Variants in ARMC7 observed in about 807,000 individuals in gnomAD.
The protein encoded by ARMC7 is armadillo repeat-containing protein 7.
ARMC7 carries 9 observed loss-of-function variants against 14.8 expected under a neutral mutation model. The ratio of observed to expected loss-of-function variants is 0.61; its 90% CI spans 0.37 to 1.06. The LOEUF (loss-of-function observed/expected upper bound fraction) is 1.06. Ranked by LOEUF, ARMC7 falls within the 50% of genes least tolerant of loss-of-function variation. The pLI is 0.01. For synonymous variants in ARMC7, 125 were observed against 123.4 expected, an observed-to-expected ratio of 1.01 and a Z score of -0.09; for missense variants, 262 against 267.1, an observed-to-expected ratio of 0.98 and a Z score of 0.13.
At chr17:75,112,185 C>A (rs2073928928) in intron 2 of ARMC7, among the ~76,000 whole-genome samples, 2 of 152,108 alleles carry the variant, frequency 1.3e-5, no homozygotes, top group African/African-American at 4.8e-5. Context: ...TGGAGAATGG[C>A]ACAAAAAGAG....
chr17:75,114,495 G>A (rs1463209545), intron 2 of ARMC7: 3 of 392,480 alleles, frequency 7.6e-6, no homozygotes, highest in Non-Finnish European at 1.3e-5. Flanking sequence ...TGGAGTCCGC[G>A]GTCCCAGCGT....
rs72844542 is a variant in ARMC7 at position 75,118,835 on chromosome 17, G to A, written c.235+8229G>A. ...TGAATCGGTCATGAACGGCAAGGCCGATGGTTCTAACCCCTTTGTACATAT... is the reference window on the plus strand; with the variant it reads ...TGAATCGGTCATGAACGGCAAGGCCAATGGTTCTAACCCCTTTGTACATAT... On this transcript the variant is annotated intron_variant, in intron 2 of 2. Transcript: ENST00000245543. Among the ~76,000 whole-genome samples the A allele has an allele frequency of 5.2e-3, 788 of 152,308 alleles. 4 individuals carry two copies. Among genetic ancestry groups the A allele is most frequent in the Non-Finnish European group, 8.8e-3 (598 of 68,016 alleles).
intron 2 of ARMC7, among the ~76,000 whole-genome samples, chr17:75,123,428 A>G (rs1185286056): frequency 6.8e-6 from 1 of 147,368 alleles, no homozygotes; most frequent in African/African-American, 2.5e-5. Context: ...ATCTCTGCTC[A>G]CTGCAAGCTC....
Position 75,128,882 on chromosome 17 carries a change from C to G in ARMC7, c.441C>G (p.Arg147=). ...CGCCCGTGGTGCAGTGCATGCTTCG[C>G]TTCTCCCTCTCGGCCAGCGCCAGGC... ...TATPVVQCML[R]FSLSASARLR... The change falls in exon 3 of 3, where the codon CGC becomes CGG. Residue 147 remains arginine (R), a synonymous_variant. Transcript: ENST00000245543. 6.2e-7 allele frequency: 1 copy of G among 1,611,922 alleles called. No homozygotes were observed. The highest frequency in any genetic ancestry group is 2.2e-5 in the East Asian group (1 of 44,878).
chr17:75,115,511 C>T (rs949556663), intron 2 of ARMC7, among the ~76,000 whole-genome samples: 2 of 151,884 alleles, frequency 1.3e-5, no homozygotes, highest in South Asian at 2.1e-4. Flanking sequence ...GCACTCCAGC[C>T]TGGGTGACAG....
In ARMC7 at chr17:75,120,128, C is replaced by G. The variant is rs7207274; in HGVS notation, c.236-8549C>G. ...CCATGTTGGCCAGGGTGGTCTTGAA[C>G]TCCTGACCTCAGGTGATCCACCCTC... is the stretch of plus-strand genomic sequence containing the variant. On this transcript the variant is annotated intron_variant, in intron 2 of 2. Transcript: ENST00000245543. 9.9e-3 allele frequency among the ~76,000 whole-genome samples: 1,508 copies of G among 152,192 alleles called. 36 individuals are homozygous for G. The highest frequency in any genetic ancestry group is 0.034 in the African/African-American group (1,416 of 41,526).
chr17:75,124,475 C>G (rs568498345), intron 2 of ARMC7, among the ~76,000 whole-genome samples: 2 of 152,330 alleles, frequency 1.3e-5, no homozygotes, highest in South Asian at 2.1e-4. Context: ...GTGACTCAGG[C>G]TTCATCTTAT....
chr17:75,127,986 G>A (rs2074064206), intron 2 of ARMC7, among the ~76,000 whole-genome samples: 1 of 152,186 alleles, frequency 6.6e-6, no homozygotes, highest in Non-Finnish European at 1.5e-5. Flanking sequence ...TTTGGCATAA[G>A]TATATACCCA....
intron 2 of ARMC7, among the ~76,000 whole-genome samples, chr17:75,122,965 T>G (rs944819863): frequency 5.3e-5 from 8 of 152,022 alleles, no homozygotes; most frequent in African/African-American, 1.9e-4. Context: ...ATGTACAATC[T>G]GGTGTCCTTC....
chr17:75,124,711 C>T (rs926208610), intron 2 of ARMC7, among the ~76,000 whole-genome samples: 1 of 152,312 alleles, frequency 6.6e-6, no homozygotes, highest in African/African-American at 2.4e-5. Flanking sequence ...ATGGGAGGGC[C>T]GCCATTTCCC....
intron 2 of ARMC7, among the ~76,000 whole-genome samples, chr17:75,117,586 G>A (rs2073982352): frequency 6.6e-6 from 1 of 152,210 alleles, no homozygotes; most frequent in Admixed American, 6.5e-5. Context: ...CAGATCATAG[G>A]TGGCTTCAAA....
chr17:75,110,098 C>CCG lies in ARMC7; in HGVS notation c.-190_-189dup, dbSNP rs1412057749. The CCG allele has an allele frequency of 6.7e-6, 4 of 593,920 alleles. No individual in the cohort carries two copies. The highest frequency in any genetic ancestry group is 1.2e-5 in the Non-Finnish European group (4 of 340,738). 36.8% of individuals were successfully genotyped at this position (593,920 alleles called of 1,614,324 possible). On this transcript the variant is annotated 5_prime_UTR_variant, in exon 1 of 3. Coordinates refer to ENST00000245543, the MANE Select transcript of ARMC7 (RefSeq NM_024585.4). Reference sequence around the variant, plus strand: ...GCAACTCCTACAGGATTCTGAGACCCCGTCCCATCTCCCATATCCCATTTC... The same window carrying CCG: ...GCAACTCCTACAGGATTCTGAGACCCCGCGTCCCATCTCCCATATCCCATTTC...
intron 2 of ARMC7, chr17:75,114,921 T>A (rs560974925): frequency 2.6e-6 from 1 of 385,770 alleles, no homozygotes; most frequent in East Asian, 3.6e-5. Flanking sequence ...GTGTCTCTGC[T>A]TGGGGATCCC....
chr17:75,120,550 C>G lies in ARMC7; in HGVS notation c.236-8127C>G, dbSNP rs552776732. On this transcript the variant is annotated intron_variant, in intron 2 of 2. Coordinates refer to ENST00000245543, the MANE Select transcript of ARMC7 (RefSeq NM_024585.4). ...AGTATGGTGGCTGGGCACGGTGGCT[C>G]AGGCCTGTAATCCCAGCACTTTGGG... Among the ~76,000 whole-genome samples the G allele has an allele frequency of 6.6e-5, 10 of 152,218 alleles. No homozygotes were observed. In the East Asian group the frequency reaches 1.7e-3, roughly 27 times the overall value.
At chr17:75,111,506 G>A (rs901502879) in intron 2 of ARMC7, among the ~76,000 whole-genome samples, 6 of 151,440 alleles carry the variant, frequency 4.0e-5, no homozygotes, top group Non-Finnish European at 8.8e-5. Flanking sequence ...CACTTTGTGA[G>A]GCCGAAGCAG....
intron 2 of ARMC7, among the ~76,000 whole-genome samples, chr17:75,123,886 G>A (rs977827072): frequency 5.3e-5 from 8 of 152,110 alleles, no homozygotes; most frequent in Non-Finnish European, 1.2e-4. Flanking sequence ...ACTCCAGCGT[G>A]GGCGACAAGA....
chr17:75,123,205 ATTTTTTT>A (rs555791092), intron 2 of ARMC7, among the ~76,000 whole-genome samples: 1 of 125,554 alleles, frequency 8.0e-6, no homozygotes, highest in South Asian at 2.5e-4. Flanking sequence ...GGCCCAGCTA[ATTTTTTT>A]TTTTTTTTTT....
chr17:75,121,348 C>A lies in ARMC7; in HGVS notation c.236-7329C>A, dbSNP rs190319897. On this transcript the variant is annotated intron_variant, in intron 2 of 2. Coordinates refer to ENST00000245543, the MANE Select transcript of ARMC7 (RefSeq NM_024585.4). ...AACGTCATGAGAAGCTGCCAAATCA[C>A]TTTCCACGTAGTTACACCAGGTTAT... Among the ~76,000 whole-genome samples, 109 of 152,348 alleles carry A rather than the reference C, an allele frequency of 7.2e-4. 1 individual carries two copies. The highest frequency in any genetic ancestry group is 1.2e-3 in the Non-Finnish European group (82 of 68,046).
chr17:75,110,711 C>T (rs1281456562), intron 2 of ARMC7, 105 bp downstream of exon 2: 1 of 1,456,542 alleles, frequency 6.9e-7, no homozygotes, highest in East Asian at 2.3e-5. Flanking sequence ...ACCTGTAATC[C>T]CAGCAGTTTG....
Sources: allele counts gnomAD v4.1 joint callset (sites outside exome capture counted in the v4.1 genomes callset), GRCh38; gene constraint gnomAD v4.1.1; transcripts MANE v1.5; gene names NCBI Gene and HGNC (gene_info 2026-07-23, HGNC 2026-07-21).